Variants in YIPF7 observed in about 807,000 individuals in gnomAD.
YIPF7 encodes Yip1 domain family member 7, also known as protein YIPF7.
In YIPF7, 35 loss-of-function variants were observed where a neutral mutation model predicts 27.2. The observed-to-expected ratio is 1.29, with a 90% CI of 0.98 to 1.70. The LOEUF is 1.70. Ranked by LOEUF, YIPF7 falls within the 40% of genes most tolerant of loss-of-function variation. The pLI is 0.00. For missense variants in YIPF7, 358 were observed against 303.7 expected (o/e 1.18, Z -1.33); for synonymous variants, 137 against 110.4 (o/e 1.24, Z -1.51).
intron 3 of YIPF7, among the ~76,000 whole-genome samples, chr4:44,633,480 TA>T (rs1276557669): frequency 1.3e-5 from 2 of 151,986 alleles, no homozygotes; most frequent in African/African-American, 4.8e-5. Flanking sequence ...ATATTAAGCT[TA>T]AACAACTATT....
intron 2 of YIPF7, among the ~76,000 whole-genome samples, chr4:44,642,676 A>G (rs1245573981): frequency 1.3e-5 from 2 of 152,102 alleles, no homozygotes; most frequent in African/African-American, 4.8e-5. Context: ...GTTTACCACC[A>G]TCCCCCTAGG....
chr4:44,651,364 A>T (rs968711362), intron 1 of YIPF7, among the ~76,000 whole-genome samples, 190 bp downstream of exon 1: 4 of 152,228 alleles, frequency 2.6e-5, no homozygotes, highest in African/African-American at 9.6e-5. Context: ...ATTACAATGT[A>T]ATAGCATAAC....
intron 1 of YIPF7, among the ~76,000 whole-genome samples, chr4:44,650,682 A>G (rs1184341531): frequency 6.6e-6 from 1 of 152,212 alleles, no homozygotes; most frequent in Non-Finnish European, 1.5e-5. Context: ...TGCTCTGGAT[A>G]CTGCACCTGG....
At chr4:44,634,711 A>T (rs1246704046) in intron 3 of YIPF7, among the ~76,000 whole-genome samples, 2 of 152,224 alleles carry the variant, frequency 1.3e-5, no homozygotes, top group Admixed American at 6.5e-5. Flanking sequence ...AGAAGAAAAT[A>T]CATCAAATTG....
upstream of YIPF7, among the ~76,000 whole-genome samples, chr4:44,655,364 G>T (rs562606216): frequency 1.3e-4 from 20 of 152,124 alleles, no homozygotes; most frequent in African/African-American, 4.6e-4. Context: ...GTATGTGAAA[G>T]AACCTAGTCT....
chr4:44,636,874 G>T (rs941573467), intron 2 of YIPF7, among the ~76,000 whole-genome samples: 4 of 152,046 alleles, frequency 2.6e-5, no homozygotes, highest in African/African-American at 9.7e-5. Flanking sequence ...TTCATTATAT[G>T]CATTAACTAA....
At chr4:44,654,523 T>G (rs965383078), upstream of YIPF7, among the ~76,000 whole-genome samples, 1 of 151,924 alleles carries the variant, frequency 6.6e-6, no homozygotes, top group African/African-American at 2.4e-5. Context: ...GTTGATCCTA[T>G]CTATTCCCAT....
chr4:44,648,508 A>G (rs996381880), intron 2 of YIPF7, among the ~76,000 whole-genome samples: 4 of 152,110 alleles, frequency 2.6e-5, no homozygotes, highest in Admixed American at 2.0e-4. Flanking sequence ...AACAGTTCCT[A>G]ACATATAATA....
chr4:44,636,070 C>G lies in YIPF7; in HGVS notation c.132G>C (p.Glu44Asp). ...GAACAAAGGAGGCAGGCTGAGGCTGCTCACCAGCTTGTTGTCTAGAAAAAG... is the reference window on the plus strand; with the variant it reads ...GAACAAAGGAGGCAGGCTGAGGCTGGTCACCAGCTTGTTGTCTAGAAAAAG... The part of the protein sequence containing the change: ...LYGSRKQQAG[E>D]QPQPASFVPS... Residue 44 changes from glutamate to aspartate, a missense_variant, in exon 3 of 6, where the codon GAG becomes GAC. Physicochemically the swap from Glu to Asp is conservative, Grantham distance 45. Transcript: ENST00000415895. The G allele has an allele frequency of 6.2e-7, 1 of 1,609,606 alleles. No homozygotes were observed. The highest frequency in any genetic ancestry group is 8.5e-7 in the Non-Finnish European group (1 of 1,177,256).
At chr4:44,626,763 C>CTTTTTTTTTTTTTTTTTTTTTTTT (rs71190269) in intron 4 of YIPF7, among the ~76,000 whole-genome samples, 1 of 69,768 alleles carries the variant, frequency 1.4e-5, no homozygotes, top group Non-Finnish European at 2.4e-5. Context: ...ATTAGCACAT[C>CTTTTTTTTTTTTTTTTTTTTTTTT]TTTTTTTTTT....
chr4:44,659,513 A>G (rs948668874), intron 2 of YIPF7, among the ~76,000 whole-genome samples: 2 of 152,162 alleles, frequency 1.3e-5, no homozygotes, highest in African/African-American at 4.8e-5. Context: ...AGAGCAAAGA[A>G]ACGACCAATT....
chr4:44,626,821 G>A (rs557884879), intron 4 of YIPF7, among the ~76,000 whole-genome samples: 1 of 123,184 alleles, frequency 8.1e-6, no homozygotes, highest in Non-Finnish European at 1.6e-5. Context: ...TTTCGCCCAG[G>A]CCGGAGGGCA....
rs746546018 is a variant in YIPF7, at chr4:44,624,725, T to A, written c.484A>T (p.Ile162Phe). ...YGMSAIGCLV[I>F]HALLNLMSSS... is the part of the protein sequence containing the mutation. ...CTCATCAGGTTCAGCAAGGCATGAA[T>A]CACAAGGCAGCCAATGGCACTCATG... The change falls in exon 5 of 6, where the codon ATT becomes TTT. Residue 162 changes from isoleucine to phenylalanine, a missense_variant. Transcript: ENST00000415895. 1.2e-5 allele frequency: 20 copies of A among 1,611,774 alleles called. No individual in the cohort carries two copies. Among genetic ancestry groups the A allele is most frequent in the East Asian group, 2.2e-5 (1 of 44,754 alleles).
At position 44,636,043 on chromosome 4, in the gene YIPF7, T is replaced by C; in HGVS notation, c.159A>G (p.Pro53=). Residue 53 remains proline, a synonymous_variant, in exon 3 of 6, where the codon CCA becomes CCG. Transcript: ENST00000415895. ...AACCCGATGACATGAGCATCTCTGA[T>C]GGAACAAAGGAGGCAGGCTGAGGCT... ...GEQPQPASFV[P]SEMLMSSGYA... is the part of the protein sequence containing the mutation. 1 of 1,613,778 alleles carries C rather than the reference T, an allele frequency of 6.2e-7. No homozygotes were observed. The highest frequency in any genetic ancestry group is 8.5e-7 in the Non-Finnish European group (1 of 1,179,742).
intron 1 of YIPF7, among the ~76,000 whole-genome samples, chr4:44,650,637 C>A (rs1399817614): frequency 6.6e-6 from 1 of 152,148 alleles, no homozygotes; most frequent in Non-Finnish European, 1.5e-5. Flanking sequence ...CTTGGCAATT[C>A]TTAAAAAGTG....
intron 2 of YIPF7, among the ~76,000 whole-genome samples, chr4:44,648,728 A>G (rs1713615856): frequency 6.6e-6 from 1 of 152,120 alleles, no homozygotes; most frequent in Non-Finnish European, 1.5e-5. Flanking sequence ...TTACTTTAAC[A>G]CACACTTTCC....
chr4:44,650,228 A>G (rs1713682416), intron 1 of YIPF7, 127 bp from the exon 2 acceptor site: 2 of 690,270 alleles, frequency 2.9e-6, no homozygotes, highest in Admixed American at 2.5e-5. Flanking sequence ...TGTCCTTTGA[A>G]TGGGGTCAAT....
chr4:44,661,283 G>T (rs996877736), intron 1 of YIPF7, among the ~76,000 whole-genome samples: 1 of 152,146 alleles, frequency 6.6e-6, no homozygotes, highest in Admixed American at 6.5e-5. Flanking sequence ...GGTATACTTA[G>T]CCGGGCTTCT....
chr4:44,646,716 A>C (rs1303056761), intron 2 of YIPF7, among the ~76,000 whole-genome samples: 1 of 152,164 alleles, frequency 6.6e-6, no homozygotes, highest in African/African-American at 2.4e-5. Context: ...CTTAGTGAGC[A>C]CAGTCACCCA....
Sources: allele counts gnomAD v4.1 joint callset (sites outside exome capture counted in the v4.1 genomes callset), GRCh38; gene constraint gnomAD v4.1.1; transcripts MANE v1.5; gene names NCBI Gene and HGNC (gene_info 2026-07-23, HGNC 2026-07-21).